ARMC8: variants seen among roughly 807,000 people sequenced by gnomAD.
ARMC8 encodes armadillo repeat-containing protein 8.
In ARMC8, 20 loss-of-function variants were observed where a neutral mutation model predicts 99.3. The observed-to-expected ratio is 0.20, with a 90% CI of 0.14 to 0.29. The LOEUF is 0.29. ARMC8 is among the 10% of genes least tolerant of loss of function. ARMC8 has a pLI of 1.00. For synonymous variants in ARMC8, 263 were observed against 278.3 expected (o/e 0.95, Z 0.55); for missense variants, 569 against 809.5 (o/e 0.70, Z 3.60).
At chr3:138,258,809 G>C (rs1034437447) in intron 12 of ARMC8, among the ~76,000 whole-genome samples, 1 of 152,188 alleles carries the variant, frequency 6.6e-6, no homozygotes, top group Non-Finnish European at 1.5e-5. Flanking sequence ...ACTTAATTCT[G>C]TAGTTTACAG....
intron 1 of ARMC8, among the ~76,000 whole-genome samples, chr3:138,192,320 C>T (rs1353562637): frequency 6.7e-6 from 1 of 148,356 alleles, no homozygotes; most frequent in Non-Finnish European, 1.5e-5. Flanking sequence ...CTCTGTTGCC[C>T]AGGCAGGAGT....
At chr3:138,260,433 C>T (rs370214813) in intron 12 of ARMC8, among the ~76,000 whole-genome samples, 11 of 152,268 alleles carry the variant, frequency 7.2e-5, no homozygotes, top group African/African-American at 2.4e-4. Flanking sequence ...ATTCCATTTC[C>T]CCTGCTTCAC....
intron 7 of ARMC8, among the ~76,000 whole-genome samples, chr3:138,236,265 T>C (rs922248284): frequency 6.6e-6 from 1 of 152,194 alleles, no homozygotes; most frequent in Non-Finnish European, 1.5e-5. Flanking sequence ...AATAAATATA[T>C]ACTGAAAGGT....
intron 6 of ARMC8, 182 bp downstream of exon 6, chr3:138,229,192 A>G (rs1189518275): frequency 7.9e-6 from 1 of 126,860 alleles, no homozygotes; most frequent in Non-Finnish European, 1.6e-5. Context: ...ATGTATATGT[A>G]TATGTATATG....
Position 138,241,846 on chromosome 3 carries a change from G to T in ARMC8, c.901G>T (p.Ala301Ser). ...ERLLEERVEG[A>S]ETLAYLIEPD... is the part of the protein sequence containing the mutation. ...ATTACTAGAGGAGAGAGTTGAAGGAGCTGAGACACTTGCCTATCTGATTGA... is the reference window on the plus strand; with the variant it reads ...ATTACTAGAGGAGAGAGTTGAAGGATCTGAGACACTTGCCTATCTGATTGA... Residue 301 changes from alanine to serine, a missense_variant, in exon 11 of 22, where the codon GCT becomes TCT. This residue lies in a region of ARMC8 where 342 missense variants were observed against 391.6 expected (regional missense o/e 0.87). Coordinates refer to ENST00000469044, the MANE Select transcript of ARMC8 (RefSeq NM_001363941.2). The T allele has an allele frequency of 6.2e-7, 1 of 1,614,044 alleles. No homozygotes were observed. The highest frequency in any genetic ancestry group is 8.5e-7 in the Non-Finnish European group (1 of 1,179,978).
intron 2 of ARMC8, 120 bp from the exon 3 acceptor site, chr3:138,221,805 GA>G: frequency 1.4e-6 from 1 of 731,920 alleles, no homozygotes; most frequent in Non-Finnish European, 2.3e-6. Flanking sequence ...TACTTTAGGT[GA>G]AAAAAGGTTA....
chr3:138,226,062 G>A (rs961693624), intron 5 of ARMC8, among the ~76,000 whole-genome samples: 7 of 152,022 alleles, frequency 4.6e-5, no homozygotes, highest in Non-Finnish European at 7.4e-5. Context: ...GCTTGATCTC[G>A]ACTCACTGCA....
chr3:138,212,733 T>C (rs902982163), intron 2 of ARMC8, among the ~76,000 whole-genome samples: 12 of 152,216 alleles, frequency 7.9e-5, no homozygotes, highest in Admixed American at 7.9e-4. Context: ...CATTAAGTCA[T>C]CATTAAGAGA....
At chr3:138,289,015 T>C in intron 19 of ARMC8, 33 bp from the exon 20 acceptor site, 1 of 1,569,480 alleles carries the variant, frequency 6.4e-7, no homozygotes, top group Non-Finnish European at 8.7e-7. Context: ...ATTACCACCA[T>C]TTTGATTTTT....
At chr3:138,275,421 C>T (rs1468867732) in intron 18 of ARMC8, among the ~76,000 whole-genome samples, 1 of 152,036 alleles carries the variant, frequency 6.6e-6, no homozygotes, top group African/African-American at 2.4e-5. Flanking sequence ...TAGCCAGGCG[C>T]GGTGGCGGGT....
intron 20 of ARMC8, among the ~76,000 whole-genome samples, 157 bp from the exon 21 acceptor site, chr3:138,290,389 A>G (rs1303842242): frequency 6.6e-6 from 1 of 152,222 alleles, no homozygotes; most frequent in African/African-American, 2.4e-5. Context: ...GAGTCCAAGC[A>G]TGAGCGGGTC....
At chr3:138,213,592 A>G (rs1468450065) in intron 2 of ARMC8, among the ~76,000 whole-genome samples, 1 of 152,226 alleles carries the variant, frequency 6.6e-6, no homozygotes, top group Non-Finnish European at 1.5e-5. Context: ...CAACAGAAGT[A>G]GGTATGTCAG....
chr3:138,276,647 G>A (rs2049324119), intron 18 of ARMC8, among the ~76,000 whole-genome samples: 1 of 152,032 alleles, frequency 6.6e-6, no homozygotes, highest in African/African-American at 2.4e-5. Flanking sequence ...ATTGGATATT[G>A]AGATATTAAA....
chr3:138,200,144 A>T (rs1228298192), intron 1 of ARMC8, among the ~76,000 whole-genome samples: 1 of 152,210 alleles, frequency 6.6e-6, no homozygotes, highest in Non-Finnish European at 1.5e-5. Flanking sequence ...TAAAAAGTTG[A>T]TATAATGCTC....
intron 19 of ARMC8, among the ~76,000 whole-genome samples, chr3:138,288,639 T>C (rs1248435781): frequency 6.7e-6 from 1 of 148,596 alleles, no homozygotes; most frequent in Non-Finnish European, 1.5e-5. Context: ...TTCAGACTTT[T>C]TTTTTTTTTT....
chr3:138,235,172 A>G (rs1284185048), intron 7 of ARMC8, 58 bp downstream of exon 7: 1 of 1,170,658 alleles, frequency 8.5e-7, no homozygotes, highest in African/African-American at 1.5e-5. Flanking sequence ...TTCTAGAAAC[A>G]GACCCACATA....
At chr3:138,204,772 A>C (rs989294519) in intron 1 of ARMC8, among the ~76,000 whole-genome samples, 1 of 151,962 alleles carries the variant, frequency 6.6e-6, no homozygotes, top group Non-Finnish European at 1.5e-5. Flanking sequence ...TTGTTTGACT[A>C]CTCCAGAGCA....
intron 1 of ARMC8, chr3:138,188,534 A>G (rs1333957086): frequency 6.2e-7 from 1 of 1,614,002 alleles, no homozygotes; most frequent in Non-Finnish European, 8.5e-7. Flanking sequence ...GAGAATGGTC[A>G]GTTTACCAAT....
intron 3 of ARMC8, 111 bp from the exon 4 acceptor site, chr3:138,223,278 T>C: frequency 1.1e-6 from 1 of 930,610 alleles, no homozygotes; most frequent in Non-Finnish European, 1.6e-6. Context: ...TGGATTCATA[T>C]AAACTCAGCC....
Sources: allele counts gnomAD v4.1 joint callset (sites outside exome capture counted in the v4.1 genomes callset), GRCh38; gene constraint gnomAD v4.1.1; regional missense constraint gnomAD v4.1.1; transcripts MANE v1.5; gene names NCBI Gene and HGNC (gene_info 2026-07-23, HGNC 2026-07-21).